Variants in LUZP2 observed in about 807,000 individuals in gnomAD.
LUZP2 encodes leucine zipper protein 2.
In LUZP2, 52 loss-of-function variants were observed where a neutral mutation model predicts 51.6. The observed-to-expected ratio is 1.01, with a 90% CI of 0.81 to 1.27. The LOEUF (loss-of-function observed/expected upper bound fraction) is 1.27, where lower values mean the gene tolerates loss of function less well. LUZP2 is among the 50% of genes most tolerant of loss of function. LUZP2 has a pLI of 0.00. For synonymous variants in LUZP2, 154 were observed against 137.3 expected (o/e 1.12, Z -0.85); for missense variants, 436 against 395.4 (o/e 1.10, Z -0.87).
chr11:24,829,501 G>T (rs1850637040), intron 5 of LUZP2, among the ~76,000 whole-genome samples: 1 of 152,134 alleles, frequency 6.6e-6, no homozygotes, highest in Admixed American at 6.5e-5. Flanking sequence ...AAGATTGTGG[G>T]AGAAATATAT....
chr11:24,628,173 A>C (rs1314427664), intron 1 of LUZP2, among the ~76,000 whole-genome samples: 1 of 150,024 alleles, frequency 6.7e-6, no homozygotes, highest in African/African-American at 2.5e-5. Flanking sequence ...ATTATGACTC[A>C]CACACTTGCA....
intron 9 of LUZP2, among the ~76,000 whole-genome samples, chr11:25,005,033 A>T (rs901663798): frequency 3.3e-5 from 5 of 152,196 alleles, no homozygotes; most frequent in African/African-American, 9.6e-5. Flanking sequence ...TATCAGGATC[A>T]TCTGAAAACT....
intron 5 of LUZP2, among the ~76,000 whole-genome samples, chr11:24,859,694 G>C (rs796445071): frequency 2.0e-5 from 3 of 152,336 alleles, no homozygotes; most frequent in African/African-American, 7.2e-5. Context: ...GACCCACGGA[G>C]AGAAGGAAGA....
Position 24,667,865 on chromosome 11 carries a change from A to G in LUZP2, c.63-61304A>G, listed in dbSNP as rs534747701. On this transcript the variant is annotated intron_variant, in intron 1 of 11. Transcript: ENST00000336930. ...AGTCCCCCAAAACTTAAGTCTTCTG[A>G]CTCCTTTCAGAGAAATAAATTATCT... is the stretch of plus-strand genomic sequence containing the variant. Among the ~76,000 whole-genome samples, 6 of 152,254 alleles carry G rather than the reference A, an allele frequency of 3.9e-5. No homozygotes were observed. In the South Asian group the frequency reaches 1.2e-3, roughly 32 times the overall value.
At chr11:25,075,333 A>G (rs1243485100) in intron 10 of LUZP2, among the ~76,000 whole-genome samples, 4 of 152,208 alleles carry the variant, frequency 2.6e-5, no homozygotes, top group Admixed American at 2.6e-4. Context: ...CTGTAGGCTT[A>G]TTTAGAAGAA....
At chr11:24,586,027 G>A (rs961518334) in intron 1 of LUZP2, among the ~76,000 whole-genome samples, 3 of 151,860 alleles carry the variant, frequency 2.0e-5, no homozygotes, top group African/African-American at 7.3e-5. Flanking sequence ...TTTACAATAT[G>A]CCTCTCAATC....
intron 9 of LUZP2, among the ~76,000 whole-genome samples, chr11:25,037,966 G>T (rs907238012): frequency 3.9e-5 from 6 of 151,914 alleles, no homozygotes; most frequent in Non-Finnish European, 7.4e-5. Context: ...ATGGTCTCTG[G>T]CTGAGGTTCT....
intron 5 of LUZP2, among the ~76,000 whole-genome samples, chr11:24,905,650 G>A (rs1248425926): frequency 6.6e-6 from 1 of 152,144 alleles, no homozygotes. Context: ...AAGTTCTCCA[G>A]TATAGACTGT....
chr11:24,728,896 T>C (rs921026659), intron 1 of LUZP2, among the ~76,000 whole-genome samples: 1 of 151,990 alleles, frequency 6.6e-6, no homozygotes, highest in Non-Finnish European at 1.5e-5. Flanking sequence ...ACGAAAGGCA[T>C]GTCTTACATG....
intron 5 of LUZP2, among the ~76,000 whole-genome samples, chr11:24,879,461 A>G (rs1408188104): frequency 6.6e-6 from 1 of 152,136 alleles, no homozygotes; most frequent in Non-Finnish European, 1.5e-5. Flanking sequence ...GCCAAATGGT[A>G]TTTCTGGTTC....
At chr11:24,655,183 C>T (rs1855763979) in intron 1 of LUZP2, among the ~76,000 whole-genome samples, 1 of 152,076 alleles carries the variant, frequency 6.6e-6, no homozygotes, top group South Asian at 2.1e-4. Context: ...GTAATTAAGA[C>T]TTTGGGCTTA....
At chr11:24,692,808 A>T (rs1565080401) in intron 1 of LUZP2, among the ~76,000 whole-genome samples, 1 of 152,068 alleles carries the variant, frequency 6.6e-6, no homozygotes, top group Non-Finnish European at 1.5e-5. Context: ...GGAGAATATT[A>T]AATTATTACC....
At chr11:24,711,235 G>A (rs1199467635) in intron 1 of LUZP2, among the ~76,000 whole-genome samples, 1 of 151,904 alleles carries the variant, frequency 6.6e-6, no homozygotes, top group Non-Finnish European at 1.5e-5. Context: ...GGATCACGAG[G>A]TCAGGAGATC....
intron 1 of LUZP2, among the ~76,000 whole-genome samples, chr11:24,585,805 C>T (rs1853044422): frequency 6.6e-6 from 1 of 152,046 alleles, no homozygotes; most frequent in Non-Finnish European, 1.5e-5. Context: ...ATTTAAAGTT[C>T]TGTCTTACTC....
chr11:24,968,256 T>A (rs1453618161), intron 7 of LUZP2, among the ~76,000 whole-genome samples: 1 of 152,128 alleles, frequency 6.6e-6, no homozygotes, highest in Admixed American at 6.6e-5. Context: ...GAACACACAG[T>A]AAATATTTTA....
intron 1 of LUZP2, among the ~76,000 whole-genome samples, chr11:24,546,076 C>A (rs531831378): frequency 6.6e-6 from 1 of 151,936 alleles, no homozygotes; most frequent in Non-Finnish European, 1.5e-5. Flanking sequence ...TGATTTGGCT[C>A]TTGGCTTGCC....
chr11:24,672,697 A>T (rs1238655180), intron 1 of LUZP2, among the ~76,000 whole-genome samples: 1 of 152,212 alleles, frequency 6.6e-6, no homozygotes, highest in Non-Finnish European at 1.5e-5. Flanking sequence ...AAAATCATAG[A>T]CTGTACTTAC....
At chr11:24,509,079 A>G (rs1008721655) in intron 1 of LUZP2, among the ~76,000 whole-genome samples, 23 of 152,168 alleles carry the variant, frequency 1.5e-4, no homozygotes, top group African/African-American at 5.3e-4. Context: ...TACACACGCG[A>G]CATGTGCGAT....
chr11:24,662,396 C>CTGTATAAACAGTATAAAAATAGAAA (rs1856052605), intron 1 of LUZP2, among the ~76,000 whole-genome samples: 1 of 151,950 alleles, frequency 6.6e-6, no homozygotes, highest in Admixed American at 6.6e-5. Flanking sequence ...AATAAATAGA[C>CTGTATAAACAGTATAAAAATAGAAA]TGTATAAACA....
Sources: gnomAD v4.1 joint callset for allele counts (sites outside exome capture counted in the v4.1 genomes callset) on GRCh38, gnomAD v4.1.1 for gene constraint, MANE v1.5 for transcripts, NCBI Gene and HGNC (gene_info 2026-07-23, HGNC 2026-07-21) for gene names.